VSTM2L: variants seen among roughly 807,000 people sequenced by gnomAD.
VSTM2L encodes the protein V-set and transmembrane domain-containing protein 2-like protein.
A neutral mutation model predicts 19.9 loss-of-function variants in VSTM2L; 9 were observed. The observed-to-expected ratio is 0.45, with a 90% confidence interval of 0.27 to 0.79. The LOEUF is 0.79. VSTM2L is among the 30% of genes least tolerant of loss of function. VSTM2L has a pLI of 0.15. For synonymous variants in VSTM2L, 127 were observed against 133.8 expected (o/e 0.95, Z 0.35); for missense variants, 286 against 295.5 (o/e 0.97, Z 0.24).
chr20:37,909,915 G>A (rs1220974417), intron 1 of VSTM2L, among the ~76,000 whole-genome samples: 1 of 152,188 alleles, frequency 6.6e-6, no homozygotes, highest in East Asian at 1.9e-4. Context: ...CTCCAGAGAA[G>A]TGAGGTGGCA....
rs11086387 is a variant in VSTM2L at position 37,935,884 on chromosome 20, A to ATT, written c.342+2311_342+2312dup. On this transcript the variant is annotated intron_variant, in intron 3 of 3. Coordinates refer to ENST00000373461, the MANE Select transcript of VSTM2L (RefSeq NM_080607.3). ...AATGTGTGTGTGAACCCATACACAG[A>ATT]TTTTTTTTTTTTTTTTTGAGATGGA... Among the ~76,000 whole-genome samples the ATT allele has an allele frequency of 2.5e-3, 341 of 138,288 alleles. 1 individual carries two copies. Among genetic ancestry groups the ATT allele is most frequent in the African/African-American group, 8.4e-3 (308 of 36,528 alleles). The allele number at this position is 138,288 out of a possible 152,430, so 90.7% of individuals were successfully genotyped here. A position where few individuals can be genotyped will look rare whatever the true frequency, so the allele number is the denominator to read the frequency against.
intron 1 of VSTM2L, among the ~76,000 whole-genome samples, chr20:37,923,079 T>A (rs1336970998): frequency 3.9e-5 from 6 of 152,160 alleles, no homozygotes; most frequent in Non-Finnish European, 8.8e-5. Context: ...TTGTCTTGTG[T>A]CATCCTCTCA....
rs1377622511 is a variant in VSTM2L at position 37,913,465 on chromosome 20, C to A, written c.121+9994C>A. ...TCTCTCTCCCTGCAGCCCTCTCATG[C>A]GAGCTGGGTGGGAACGAACTTCATT... On this transcript the variant is annotated intron_variant, in intron 1 of 3. Transcript: ENST00000373461. 2.0e-5 allele frequency among the ~76,000 whole-genome samples: 3 copies of A among 152,160 alleles called. 1 individual carries two copies. The highest frequency in any genetic ancestry group is 4.4e-5 in the Non-Finnish European group (3 of 68,022).
At chr20:37,924,013 G>A (rs2072866487) in intron 1 of VSTM2L, among the ~76,000 whole-genome samples, 1 of 152,190 alleles carries the variant, frequency 6.6e-6, no homozygotes, top group Admixed American at 6.5e-5. Context: ...GAGGCAGAAG[G>A]ATTGCTTGAG....
intron 1 of VSTM2L, among the ~76,000 whole-genome samples, chr20:37,920,051 C>T (rs951000980): frequency 3.3e-5 from 5 of 152,174 alleles, no homozygotes; most frequent in African/African-American, 4.8e-5. Flanking sequence ...GGTTTTCTCA[C>T]GCTGCTGGAA....
chr20:37,903,833 C>T (rs1401903515), intron 1 of VSTM2L, among the ~76,000 whole-genome samples: 2 of 152,222 alleles, frequency 1.3e-5, no homozygotes, highest in Non-Finnish European at 2.9e-5. Context: ...AGCCTTTACA[C>T]TTATGCCCAC....
At chr20:37,933,735 T>C (rs2072924095) in intron 3 of VSTM2L, 146 bp downstream of exon 3, 3 of 743,970 alleles carry the variant, frequency 4.0e-6, no homozygotes, top group Non-Finnish European at 4.3e-6. Context: ...GGCCTTGCTC[T>C]GTTTTTTAAA....
At position 37,934,768 on chromosome 20, in the gene VSTM2L, A is replaced by G. The variant is rs553556180; in HGVS notation, c.342+1179A>G. Among the ~76,000 whole-genome samples, 5 of 152,242 alleles carry G rather than the reference A, an allele frequency of 3.3e-5. No individual in the cohort carries two copies. The South Asian group carries it at 1.0e-3, about 32-fold the overall frequency. On this transcript the variant is annotated intron_variant, in intron 3 of 3. Coordinates refer to ENST00000373461, the MANE Select transcript of VSTM2L (RefSeq NM_080607.3). ...GCATCAGAGGTGGCATCATGGAGGC[A>G]GAGAGGCCAGGGAGGAGGCTTCTGC...
intron 1 of VSTM2L, among the ~76,000 whole-genome samples, chr20:37,905,421 T>C (rs2072746630): frequency 6.6e-6 from 1 of 152,132 alleles, no homozygotes; most frequent in African/African-American, 2.4e-5. Context: ...GCCCTTTGTG[T>C]GACAGTCTCT....
intron 1 of VSTM2L, among the ~76,000 whole-genome samples, chr20:37,905,741 C>G (rs1471138985): frequency 2.6e-5 from 4 of 152,182 alleles, no homozygotes. Context: ...TGCCGAGGAG[C>G]CCCCACAGCT....
chr20:37,926,881 A>G (rs995265928), intron 1 of VSTM2L, among the ~76,000 whole-genome samples: 15 of 152,230 alleles, frequency 9.9e-5, no homozygotes, highest in African/African-American at 3.6e-4. Context: ...AGCCCTGGGA[A>G]TGGCAGGACT....
At chr20:37,910,895 T>G in intron 1 of VSTM2L, among the ~76,000 whole-genome samples, 1 of 146,756 alleles carries the variant, frequency 6.8e-6, no homozygotes, top group African/African-American at 2.6e-5. Context: ...CCAGCCTGGG[T>G]GACAGAGTGA....
intron 1 of VSTM2L, 123 bp downstream of exon 1, chr20:37,903,594 C>G: frequency 7.7e-7 from 1 of 1,294,852 alleles, no homozygotes; most frequent in Non-Finnish European, 9.8e-7. Context: ...CGGGGCGCCC[C>G]CTGCCGGCGC....
At chr20:37,929,859 G>A (rs2072898846) in intron 1 of VSTM2L, among the ~76,000 whole-genome samples, 1 of 152,082 alleles carries the variant, frequency 6.6e-6, no homozygotes. Context: ...TGGAAGGAGG[G>A]GGTGGCCCTC....
At chr20:37,906,249 C>T (rs1019473883) in intron 1 of VSTM2L, among the ~76,000 whole-genome samples, 3 of 152,106 alleles carry the variant, frequency 2.0e-5, no homozygotes, top group African/African-American at 7.2e-5. Flanking sequence ...TTTTGCTTCC[C>T]ATCTCCCTCC....
chr20:37,912,330 T>A (rs2072784859), intron 1 of VSTM2L, among the ~76,000 whole-genome samples: 1 of 152,230 alleles, frequency 6.6e-6, no homozygotes, highest in African/African-American at 2.4e-5. Context: ...GATGCCAAAA[T>A]GCTGAGAATG....
At chr20:37,942,455 C>G (rs2072977851) in intron 3 of VSTM2L, among the ~76,000 whole-genome samples, 1 of 152,246 alleles carries the variant, frequency 6.6e-6, no homozygotes, top group Non-Finnish European at 1.5e-5. Flanking sequence ...GCACTCCAGC[C>G]TGGGTAACAG....
At chr20:37,911,854 C>T (rs2072781646) in intron 1 of VSTM2L, among the ~76,000 whole-genome samples, 1 of 152,056 alleles carries the variant, frequency 6.6e-6, no homozygotes, top group South Asian at 2.1e-4. Flanking sequence ...ACTTAGAAAC[C>T]ACATCTTTTG....
At chr20:37,942,076 G>C (rs962308521) in intron 3 of VSTM2L, among the ~76,000 whole-genome samples, 4 of 152,118 alleles carry the variant, frequency 2.6e-5, no homozygotes, top group African/African-American at 9.7e-5. Context: ...ATTCAGGGCA[G>C]ATTTATTCAT....
Sources: gnomAD v4.1 joint callset for allele counts (sites outside exome capture counted in the v4.1 genomes callset) on GRCh38, gnomAD v4.1.1 for gene constraint, MANE v1.5 for transcripts, NCBI Gene and HGNC (gene_info 2026-07-23, HGNC 2026-07-21) for gene names.